Variants in PTPRQ observed in about 807,000 individuals in gnomAD.
The protein encoded by PTPRQ is protein tyrosine phosphatase receptor type Q.
In PTPRQ, 199 loss-of-function variants were observed where a neutral mutation model predicts 246.0. The observed-to-expected ratio is 0.81, with a 90% CI of 0.72 to 0.91. The LOEUF (loss-of-function observed/expected upper bound fraction) is 0.91. Among genes scored for constraint, PTPRQ ranks in the 40% least tolerant of loss-of-function variants. The probability of loss-of-function intolerance (pLI) is 0.00; values close to 1 mark genes in which losing one functional copy is unlikely to be tolerated. For missense variants in PTPRQ, 2,624 were observed against 2,528.4 expected (o/e 1.04, Z -0.81); for synonymous variants, 869 against 853.2 (o/e 1.02, Z -0.32).
chr12:80,457,359 CCT>C (rs1171095749), intron 3 of PTPRQ, among the ~76,000 whole-genome samples: 2 of 152,030 alleles, frequency 1.3e-5, no homozygotes, highest in Non-Finnish European at 2.9e-5. Flanking sequence ...AGGTATTTGA[CCT>C]CTCTCAGCCA....
chr12:80,483,987 T>TG (rs1894179361), intron 8 of PTPRQ, among the ~76,000 whole-genome samples: 1 of 149,222 alleles, frequency 6.7e-6, no homozygotes, highest in African/African-American at 2.5e-5. Context: ...CTTTCTTGTT[T>TG]TTTGTTTGTT....
chr12:80,623,761 G>A (rs1349065589), intron 33 of PTPRQ, among the ~76,000 whole-genome samples: 2 of 152,084 alleles, frequency 1.3e-5, no homozygotes, highest in African/African-American at 2.4e-5. Flanking sequence ...GATTATTCAT[G>A]GGAAGGCAAC....
At chr12:80,493,571 C>A in intron 10 of PTPRQ, 116 bp downstream of exon 10, 2 of 1,349,710 alleles carry the variant, frequency 1.5e-6, no homozygotes, top group Non-Finnish European at 1.9e-6. Flanking sequence ...GGGCTGGAGT[C>A]GGATTTTTTT....
intron 30 of PTPRQ, among the ~76,000 whole-genome samples, chr12:80,617,538 G>A (rs1437467861): frequency 7.3e-5 from 11 of 151,312 alleles, no homozygotes; most frequent in East Asian, 2.0e-4. Context: ...AGTGGCAGAC[G>A]TGTAGGTGTA....
chr12:80,679,040 A>T lies in PTPRQ; in HGVS notation c.*17A>T. 6.5e-7 allele frequency: 1 copy of T among 1,543,276 alleles called. No homozygotes were observed. Among genetic ancestry groups the T allele is most frequent in the Non-Finnish European group, 8.7e-7 (1 of 1,143,508 alleles). On this transcript the variant is annotated 3_prime_UTR_variant, in exon 45 of 45. Coordinates refer to ENST00000644991, the MANE Select transcript of PTPRQ (RefSeq NM_001145026.2). ...ACTATGTAAATATTCAGACCAAAGG[A>T]TACAATTGGAAGAGATTTTTAAATC... is the stretch of plus-strand genomic sequence containing the variant.
chr12:80,582,523 AGAG>A (rs1340996855), intron 25 of PTPRQ, among the ~76,000 whole-genome samples: 36 of 152,192 alleles, frequency 2.4e-4, no homozygotes, highest in Admixed American at 2.4e-3. Flanking sequence ...AAAAGAATGC[AGAG>A]AGCTCTTTTG....
At chr12:80,544,180 C>G (rs11114504) in intron 23 of PTPRQ, among the ~76,000 whole-genome samples, 1 of 152,064 alleles carries the variant, frequency 6.6e-6, no homozygotes, top group Non-Finnish European at 1.5e-5. Flanking sequence ...AGGGACATTG[C>G]TTACCTCTTA....
intron 3 of PTPRQ, among the ~76,000 whole-genome samples, chr12:80,450,752 T>C (rs2120416096): frequency 6.6e-6 from 1 of 152,290 alleles, no homozygotes. Context: ...TGGATAAGCT[T>C]TTTGGTGTGC....
intron 17 of PTPRQ, among the ~76,000 whole-genome samples, chr12:80,520,522 C>A (rs1226656404): frequency 5.5e-5 from 7 of 127,484 alleles, no homozygotes; most frequent in African/African-American, 1.5e-4. Flanking sequence ...CCCCCCACCC[C>A]ACAACAGGCC....
At chr12:80,666,029 A>G (rs1387229115) in intron 39 of PTPRQ, among the ~76,000 whole-genome samples, 1 of 152,048 alleles carries the variant, frequency 6.6e-6, no homozygotes, top group Non-Finnish European at 1.5e-5. Context: ...CTAAAATACA[A>G]CCATCATTAT....
At chr12:80,643,735 A>G (rs1264127070) in intron 35 of PTPRQ, among the ~76,000 whole-genome samples, 1 of 152,208 alleles carries the variant, frequency 6.6e-6, no homozygotes, top group Non-Finnish European at 1.5e-5. Flanking sequence ...GCGATAGAAT[A>G]TTGTAGAAGT....
rs1470325995 is a variant in PTPRQ, at chr12:80,605,084, T to C, written c.4635T>C (p.Val1545=). Residue 1545 remains valine (V), a synonymous_variant, in exon 27 of 45, where the codon GTT becomes GTC. Transcript: ENST00000644991. ...PGPPDGPPEN[V]HVVATSPFSI... ...CTCCAGATGGTCCTCCTGAAAATGTTCATGTAGTAGCAACATCACCTTTTA... is the reference window on the plus strand; with the variant it reads ...CTCCAGATGGTCCTCCTGAAAATGTCCATGTAGTAGCAACATCACCTTTTA... 6.5e-7 allele frequency: 1 copy of C among 1,543,954 alleles called. No individual in the cohort carries two copies. The highest frequency in any genetic ancestry group is 1.2e-5 in the South Asian group (1 of 83,040).
chr12:80,574,239 T>C (rs1187181150), intron 25 of PTPRQ, among the ~76,000 whole-genome samples: 2 of 152,188 alleles, frequency 1.3e-5, no homozygotes, highest in Non-Finnish European at 2.9e-5. Context: ...GTGGTTTGCA[T>C]CATATATCTT....
rs1193423635 is a variant in PTPRQ, at chr12:80,542,141, A to G, written c.3498A>G (p.Ser1166=). The change falls in exon 22 of 45, where the codon TCA becomes TCG. Residue 1166 remains serine, a synonymous_variant. Transcript: ENST00000644991. ...INTFKNLSST[S]VLLSWDPPVK... is the part of the protein sequence containing the mutation. ...CTTTTAAAAACCTTTCCTCTACCTCAGTTCTCTTATCATGGGATCCCCCAG... is the reference window on the plus strand; with the variant it reads ...CTTTTAAAAACCTTTCCTCTACCTCGGTTCTCTTATCATGGGATCCCCCAG... 3 of 1,550,864 alleles carry G rather than the reference A, an allele frequency of 1.9e-6. No homozygotes were observed. Among genetic ancestry groups the G allele is most frequent in the East Asian group, 4.9e-5 (2 of 40,844 alleles).
chr12:80,647,725 T>C (rs1226933624), intron 35 of PTPRQ, among the ~76,000 whole-genome samples: 1 of 152,176 alleles, frequency 6.6e-6, no homozygotes, highest in Non-Finnish European at 1.5e-5. Context: ...TCTTGCTTTC[T>C]TTAAATCACT....
At chr12:80,649,017 T>C (rs1900168240) in intron 36 of PTPRQ, 94 bp downstream of exon 36, 1 of 1,245,626 alleles carries the variant, frequency 8.0e-7, no homozygotes, top group Non-Finnish European at 1.1e-6. Flanking sequence ...ACTTTTTGTA[T>C]GTTTGTTGGA....
rs10862130 is a variant in PTPRQ at position 80,466,562 on chromosome 12, C to A, written c.911-2148C>A. Among the ~76,000 whole-genome samples the A allele has an allele frequency of 3.4e-3, 524 of 152,038 alleles. 5 individuals carry two copies. The highest frequency in any genetic ancestry group is 0.012 in the African/African-American group (509 of 41,456). ...CCGCATTGCCAAGTCAATCCTAAGC[C>A]AAAAGAACAAAGCTGGAGGCATCAC... On this transcript the variant is annotated intron_variant, in intron 6 of 44. Transcript: ENST00000644991.
At chr12:80,528,460 A>T (rs766101622) in intron 17 of PTPRQ, among the ~76,000 whole-genome samples, 15 of 105,270 alleles carry the variant, frequency 1.4e-4, no homozygotes, top group Non-Finnish European at 2.8e-4. Context: ...AGAAAGAAGT[A>T]TTGTACATTT....
intron 24 of PTPRQ, among the ~76,000 whole-genome samples, 163 bp from the exon 25 acceptor site, chr12:80,549,301 GA>G (rs1896398358): frequency 6.6e-6 from 1 of 152,038 alleles, no homozygotes; most frequent in African/African-American, 2.4e-5. Context: ...ACAGCCTTTT[GA>G]TTCTGTCTAT....
Sources: allele counts gnomAD v4.1 joint callset (sites outside exome capture counted in the v4.1 genomes callset), GRCh38; gene constraint gnomAD v4.1.1; transcripts MANE v1.5; gene names NCBI Gene and HGNC (gene_info 2026-07-23, HGNC 2026-07-21).